The following AHNAK variants were observed in gnomAD, a reference collection of about 807,000 sequenced individuals.
AHNAK encodes AHNAK nucleoprotein.
Under a neutral mutation model 37.8 loss-of-function variants are expected in AHNAK, and 23 were observed. The ratio of observed to expected loss-of-function variants is 0.61; its 90% CI spans 0.44 to 0.86. AHNAK has a LOEUF of 0.86. AHNAK is among the 40% of genes least tolerant of loss of function. The pLI is 0.00. For synonymous variants in AHNAK, 2,481 were observed against 2,636.3 expected (o/e 0.94, Z 1.80); for missense variants, 7,411 against 7,319.4 (o/e 1.01, Z -0.46).
rs749743066 is a variant in AHNAK at position 62,448,783 on chromosome 11, G to C, written c.443-14892C>G. 1.6e-4 allele frequency among the ~76,000 whole-genome samples: 24 copies of C among 152,182 alleles called. 1 individual carries two copies. The highest frequency in any genetic ancestry group is 1.0e-3 in the South Asian group (5 of 4,830). ...ACCTACAGATGGTATTTAAAGTTCT[G>C]GGAAGGCCGGGCACAGTGGCTCACG... On this transcript the variant is annotated intron_variant, in intron 5 of 5. Coordinates refer to the AHNAK transcript ENST00000257247.
At position 62,518,832 on chromosome 11, in the gene AHNAK, G is replaced by A; in HGVS notation, c.15585C>T (p.Ser5195=). ...PSFGISAPQV[S]IPDVNVNLKG... is the part of the protein sequence containing the mutation. ...TCAAGTTTACATTCACATCAGGGAT[G>A]GAGACTTGAGGGGCAGAAATGCCGA... is the stretch of plus-strand genomic sequence containing the variant. The change falls in exon 5 of 5, where the codon TCC becomes TCT. Residue 5195 remains serine, a synonymous_variant. Coordinates refer to ENST00000378024, the MANE Select transcript of AHNAK (RefSeq NM_001620.3). The A allele has an allele frequency of 6.2e-7, 1 of 1,614,238 alleles. No individual in the cohort carries two copies. Among genetic ancestry groups the A allele is most frequent in the Non-Finnish European group, 8.5e-7 (1 of 1,180,048 alleles).
intron 5 of AHNAK, among the ~76,000 whole-genome samples, chr11:62,469,771 G>C (rs371079059): frequency 6.6e-6 from 1 of 152,134 alleles, no homozygotes; most frequent in African/African-American, 2.4e-5. Flanking sequence ...TGGGGCCTAC[G>C]TGTAATTTTT....
At chr11:62,482,657 G>A (rs1489758134) in intron 5 of AHNAK, among the ~76,000 whole-genome samples, 1 of 151,974 alleles carries the variant, frequency 6.6e-6, no homozygotes, top group Non-Finnish European at 1.5e-5. Flanking sequence ...CACCTCAGAG[G>A]GTGAGTGCTT....
chr11:62,521,507 C>G lies in AHNAK; in HGVS notation c.12910G>C (p.Asp4304His). The G allele has an allele frequency of 6.2e-6, 10 of 1,612,704 alleles. No homozygotes were observed. Among genetic ancestry groups the G allele is most frequent in the Non-Finnish European group, 8.5e-6 (10 of 1,179,752 alleles). ...KGPKVDIDAP[D>H]VDVHGPDWHL... is the part of the protein sequence containing the mutation. ...CAGTCTGGGCCATGAACATCTACAT[C>G]AGGGGCATCGATGTCCACTTTGGGG... is the stretch of plus-strand genomic sequence containing the variant. Residue 4304 changes from aspartate to histidine, a missense_variant, in exon 5 of 5, where the codon GAT becomes CAT. By Grantham distance (81) the Asp-to-His change is moderately conservative. Coordinates refer to ENST00000378024, the MANE Select transcript of AHNAK (RefSeq NM_001620.3).
In AHNAK at chr11:62,527,373, G is replaced by A. The variant is rs1314322059; in HGVS notation, c.7044C>T (p.Val2348=). ...TGTCAGCATCTAATTTGGGACCTTTGACATCCAATTCTGGACCTTTTAACT... is the reference window on the plus strand; with the variant it reads ...TGTCAGCATCTAATTTGGGACCTTTAACATCCAATTCTGGACCTTTTAACT... ...EGELKGPELD[V]KGPKLDADMP... The change falls in exon 5 of 5, where the codon GTC becomes GTT. Residue 2348 remains valine (V), a synonymous_variant. Coordinates refer to ENST00000378024, the MANE Select transcript of AHNAK (RefSeq NM_001620.3). 3.1e-6 allele frequency: 5 copies of A among 1,614,146 alleles called. No individual in the cohort carries two copies. In the Middle Eastern group the frequency reaches 6.6e-4, roughly 213 times the overall value.
At chr11:62,491,617 C>T (rs1590626626) in intron 5 of AHNAK, 2 of 985,768 alleles carry the variant, frequency 2.0e-6, no homozygotes, top group Non-Finnish European at 3.1e-6. Context: ...GGGTCCTGAG[C>T]CATATCCTTC....
In AHNAK at chr11:62,527,202, A is replaced by T; in HGVS notation, c.7215T>A (p.Asp2405Glu). 6.2e-7 allele frequency: 1 copy of T among 1,611,932 alleles called. No individual in the cohort carries two copies. Among genetic ancestry groups the T allele is most frequent in the South Asian group, 1.1e-5 (1 of 90,592 alleles). Residue 2405 changes from aspartate to glutamate, a missense_variant, in exon 5 of 5, where the codon GAT becomes GAA. Physicochemically the swap from Asp to Glu is conservative, Grantham distance 45. Transcript: ENST00000378024. ...LKSPKAKGEVDVDVPKLEGDL... is the reference protein window; with the variant it reads ...LKSPKAKGEVEVDVPKLEGDL... ...CCCCTTCCAATTTGGGAACATCTAC[A>T]TCCACCTCTCCTTTTGCCTTGGGGC...
Position 62,520,199 on chromosome 11 carries a change from C to A in AHNAK, c.14218G>T (p.Asp4740Tyr). The A allele has an allele frequency of 6.2e-7, 1 of 1,613,506 alleles. No homozygotes were observed. Among genetic ancestry groups the A allele is most frequent in the Non-Finnish European group, 8.5e-7 (1 of 1,179,920 alleles). Reference protein sequence around the residue: ...LKGPKVKGDVDVTLPKVEGDL... With the variant: ...LKGPKVKGDVYVTLPKVEGDL... ...CCTTCCACTTTAGGAAGGGTAACAT[C>A]CACATCGCCCTTCACTTTGGGTCCT... The change falls in exon 5 of 5, where the codon GAT becomes TAT. Residue 4740 changes from aspartate to tyrosine, a missense_variant. Coordinates refer to ENST00000378024, the MANE Select transcript of AHNAK (RefSeq NM_001620.3).
intron 1 of AHNAK, among the ~76,000 whole-genome samples, chr11:62,543,427 A>G (rs994355059): frequency 6.6e-6 from 1 of 152,178 alleles, no homozygotes; most frequent in African/African-American, 2.4e-5. Context: ...CTCACAGGCA[A>G]TGACACACAT....
chr11:62,499,443 C>T (rs1466369231), intron 4 of AHNAK, among the ~76,000 whole-genome samples: 2 of 152,064 alleles, frequency 1.3e-5, no homozygotes, highest in African/African-American at 2.4e-5. Context: ...CTCAGCTATT[C>T]GGGAGACTGA....
At chr11:62,454,608 C>T (rs1423138931) in intron 5 of AHNAK, among the ~76,000 whole-genome samples, 5 of 152,086 alleles carry the variant, frequency 3.3e-5, no homozygotes, top group African/African-American at 7.2e-5. Context: ...CCTGGGGACC[C>T]GCTCCTTTAG....
Position 62,518,894 on chromosome 11 carries a change from T to G in AHNAK, c.15523A>C (p.Ile5175Leu). ...TTGACTTTAGCATCTAGGCCTTCGA[T>G]GTTGATGTCAGGTGCACCCAAGTTT... ...QANLGAPDINIEGLDAKVKTP... is the reference protein window; with the variant it reads ...QANLGAPDINLEGLDAKVKTP... The change falls in exon 5 of 5, where the codon ATC becomes CTC. Residue 5175 changes from isoleucine (I) to leucine (L), a missense_variant. Transcript: ENST00000378024. The G allele has an allele frequency of 6.2e-7, 1 of 1,614,250 alleles. No individual in the cohort carries two copies. Among genetic ancestry groups the G allele is most frequent in the East Asian group, 2.2e-5 (1 of 44,884 alleles).
chr11:62,505,228 T>C (rs1300654693), intron 4 of AHNAK, among the ~76,000 whole-genome samples: 1 of 151,858 alleles, frequency 6.6e-6, no homozygotes, highest in Admixed American at 6.6e-5. Context: ...CCGTCTTTGC[T>C]CCCCTCTGTG....
intron 5 of AHNAK, among the ~76,000 whole-genome samples, chr11:62,457,821 A>T (rs776153205): frequency 6.6e-6 from 1 of 151,946 alleles, no homozygotes; most frequent in Non-Finnish European, 1.5e-5. Context: ...AAAACTACCT[A>T]CTGGTGGTAC....
downstream of AHNAK, chr11:62,515,823 G>A (rs1477189305): frequency 4.0e-6 from 4 of 1,001,298 alleles, no homozygotes; most frequent in East Asian, 7.2e-5. Context: ...AGATGGATCC[G>A]GTCTGAACAC....
At chr11:62,537,047 G>A (rs1481038894) in intron 1 of AHNAK, among the ~76,000 whole-genome samples, 4 of 149,828 alleles carry the variant, frequency 2.7e-5, no homozygotes, top group Non-Finnish European at 3.0e-5. Context: ...TCCACCTCCC[G>A]GGTTCACGCC....
At chr11:62,507,397 C>G (rs1342259784) in intron 4 of AHNAK, among the ~76,000 whole-genome samples, 1 of 152,152 alleles carries the variant, frequency 6.6e-6, no homozygotes. Flanking sequence ...ATAAGAATAG[C>G]TAACACAGTA....
At chr11:62,461,393 C>T (rs952280866) in intron 5 of AHNAK, among the ~76,000 whole-genome samples, 1 of 151,982 alleles carries the variant, frequency 6.6e-6, no homozygotes, top group African/African-American at 2.4e-5. Flanking sequence ...ATCTGCCCAC[C>T]TCGGCCTCCC....
chr11:62,515,893 C>G, downstream of AHNAK: 1 of 1,132,822 alleles, frequency 8.8e-7, no homozygotes, highest in Non-Finnish European at 1.1e-6. Flanking sequence ...AATGCAAAGG[C>G]ACAAGACATC....
Sources: gnomAD v4.1 joint callset for allele counts (sites outside exome capture counted in the v4.1 genomes callset) on GRCh38, gnomAD v4.1.1 for gene constraint, MANE v1.5 for transcripts, NCBI Gene and HGNC (gene_info 2026-07-23, HGNC 2026-07-21) for gene names.